The following KIAA1328 variants were observed in gnomAD, a reference collection of about 807,000 sequenced individuals.
KIAA1328 encodes KIAA1328, also known as protein hinderin.
Under a neutral mutation model 68.1 loss-of-function variants are expected in KIAA1328, and 52 were observed. That is an observed-to-expected ratio of 0.76 (90% confidence interval 0.61 to 0.96). The LOEUF (loss-of-function observed/expected upper bound fraction) is 0.96, where lower values mean the gene tolerates loss of function less well. Ranked by LOEUF, KIAA1328 falls within the 40% of genes least tolerant of loss-of-function variation. KIAA1328 has a pLI of 0.00. For synonymous variants in KIAA1328, 232 were observed against 239.4 expected, an observed-to-expected ratio of 0.97 and a Z score of 0.28; for missense variants, 641 against 677.6, an observed-to-expected ratio of 0.95 and a Z score of 0.60.
intron 6 of KIAA1328, among the ~76,000 whole-genome samples, chr18:37,020,691 T>A (rs907966445): frequency 1.3e-5 from 2 of 152,182 alleles, no homozygotes; most frequent in African/African-American, 2.4e-5. Flanking sequence ...GGCTGTGAAA[T>A]GCAAACATTG....
chr18:36,975,957 C>T (rs1205462201), intron 6 of KIAA1328, among the ~76,000 whole-genome samples: 1 of 152,102 alleles, frequency 6.6e-6, no homozygotes, highest in Non-Finnish European at 1.5e-5. Flanking sequence ...TAGAAGTCCT[C>T]TGGATTAGGC....
intron 5 of KIAA1328, among the ~76,000 whole-genome samples, chr18:36,956,129 G>A (rs183882553): frequency 6.6e-6 from 1 of 152,156 alleles, no homozygotes; most frequent in Admixed American, 6.5e-5. Context: ...AAGATTTTAA[G>A]CTTTACTACA....
intron 7 of KIAA1328, among the ~76,000 whole-genome samples, chr18:37,096,928 T>C (rs2057428566): frequency 6.6e-6 from 1 of 152,224 alleles, no homozygotes; most frequent in Non-Finnish European, 1.5e-5. Flanking sequence ...GCCGTTTGTT[T>C]TTTTCTTGTA....
At position 37,003,058 on chromosome 18, in the gene KIAA1328, C is replaced by T. The variant is rs183166247; in HGVS notation, c.576+43623C>T. ...TATTAGTATCAGCCAAGTATACAAC[C>T]GATTTTTAACAAAGCCGACAACTTA... On this transcript the variant is annotated intron_variant, in intron 6 of 9. Transcript: ENST00000280020. 9.8e-4 allele frequency among the ~76,000 whole-genome samples: 148 copies of T among 151,686 alleles called. 1 individual carries two copies. Among genetic ancestry groups the T allele is most frequent in the African/African-American group, 3.1e-3 (127 of 41,468 alleles).
At chr18:36,958,502 A>C (rs1418102875) in intron 5 of KIAA1328, among the ~76,000 whole-genome samples, 2 of 152,126 alleles carry the variant, frequency 1.3e-5, no homozygotes, top group African/African-American at 4.8e-5. Context: ...TATCCTTGTC[A>C]GTGCTTGTTT....
intron 5 of KIAA1328, among the ~76,000 whole-genome samples, chr18:36,949,424 C>T (rs1225818231): frequency 2.0e-5 from 3 of 152,100 alleles, no homozygotes; most frequent in African/African-American, 7.2e-5. Flanking sequence ...TGATAGCCTG[C>T]TTTTTAGGGT....
intron 6 of KIAA1328, among the ~76,000 whole-genome samples, chr18:37,018,343 G>A (rs2054224663): frequency 6.6e-6 from 1 of 152,146 alleles, no homozygotes; most frequent in Non-Finnish European, 1.5e-5. Flanking sequence ...CTGTTAGCCT[G>A]ATGAGGTTCC....
chr18:36,951,338 A>G (rs1598801268), intron 5 of KIAA1328, among the ~76,000 whole-genome samples: 1 of 152,114 alleles, frequency 6.6e-6, no homozygotes, highest in South Asian at 2.1e-4. Context: ...TCAGTCTCAG[A>G]TGTTACTGTA....
chr18:37,051,037 T>G (rs2055671612), intron 6 of KIAA1328, among the ~76,000 whole-genome samples: 2 of 152,160 alleles, frequency 1.3e-5, no homozygotes, highest in South Asian at 4.1e-4. Context: ...ACAACAGAAC[T>G]CCTAACTAAT....
At chr18:37,165,907 T>C (rs936895057) in intron 8 of KIAA1328, among the ~76,000 whole-genome samples, 1 of 152,144 alleles carries the variant, frequency 6.6e-6, no homozygotes, top group Non-Finnish European at 1.5e-5. Flanking sequence ...CCTAGTTTGC[T>C]GAAAGTCTTT....
intron 7 of KIAA1328, among the ~76,000 whole-genome samples, chr18:37,154,571 G>A (rs1052401063): frequency 2.0e-5 from 3 of 151,982 alleles, no homozygotes. Flanking sequence ...CCATCATTCT[G>A]TGAGATCCCA....
intron 7 of KIAA1328, among the ~76,000 whole-genome samples, chr18:37,140,606 A>G (rs2058745999): frequency 6.6e-6 from 1 of 152,132 alleles, no homozygotes; most frequent in Non-Finnish European, 1.5e-5. Context: ...GTATTTTATA[A>G]TATTAAAATA....
At chr18:37,080,046 C>A (rs2056897039) in intron 7 of KIAA1328, among the ~76,000 whole-genome samples, 1 of 152,076 alleles carries the variant, frequency 6.6e-6, no homozygotes. Flanking sequence ...CTTAAGAAAG[C>A]AAGATGACCA....
chr18:37,217,563 G>T (rs1333842118), intron 9 of KIAA1328, among the ~76,000 whole-genome samples: 1 of 152,150 alleles, frequency 6.6e-6, no homozygotes, highest in East Asian at 1.9e-4. Flanking sequence ...GCTTCCCTTT[G>T]TGGGTAACCT....
chr18:36,977,198 T>C (rs2052504464), intron 6 of KIAA1328, among the ~76,000 whole-genome samples: 1 of 152,210 alleles, frequency 6.6e-6, no homozygotes, highest in Non-Finnish European at 1.5e-5. Context: ...GAAGGCTTAA[T>C]CCACTGTTCT....
chr18:36,960,101 A>T (rs569678769), intron 6 of KIAA1328, among the ~76,000 whole-genome samples: 2 of 152,300 alleles, frequency 1.3e-5, no homozygotes, highest in Admixed American at 1.3e-4. Flanking sequence ...GGACACTTCC[A>T]CCCAAATACT....
intron 6 of KIAA1328, among the ~76,000 whole-genome samples, chr18:37,019,161 C>T (rs1323435680): frequency 6.6e-6 from 1 of 151,960 alleles, no homozygotes; most frequent in Non-Finnish European, 1.5e-5. Context: ...CTGCCCCCTC[C>T]TCCCCACCCC....
At chr18:36,959,261 A>G in intron 5 of KIAA1328, 47 bp from the exon 6 acceptor site, 1 of 1,510,642 alleles carries the variant, frequency 6.6e-7, no homozygotes, top group Non-Finnish European at 8.8e-7. Flanking sequence ...TGATGGATGC[A>G]GTTTGAATCA....
intron 5 of KIAA1328, among the ~76,000 whole-genome samples, chr18:36,949,361 T>G (rs1229828464): frequency 6.6e-6 from 1 of 152,178 alleles, no homozygotes. Context: ...TCTTATTTTG[T>G]GAAAAGGAAA....
Sources: gnomAD v4.1 joint callset for allele counts (sites outside exome capture counted in the v4.1 genomes callset) on GRCh38, gnomAD v4.1.1 for gene constraint, MANE v1.5 for transcripts, NCBI Gene and HGNC (gene_info 2026-07-23, HGNC 2026-07-21) for gene names.